Variants in CCDC12 observed in about 807,000 individuals in gnomAD.
CCDC12 encodes the protein coiled-coil domain-containing protein 12.
Under a neutral mutation model 25.7 loss-of-function variants are expected in CCDC12, and 28 were observed. The ratio of observed to expected loss-of-function variants is 1.09; its 90% confidence interval spans 0.81 to 1.50. The LOEUF (loss-of-function observed/expected upper bound fraction) is 1.50. Among genes scored for constraint, CCDC12 ranks in the 40% most tolerant of loss-of-function variants. The pLI, the probability that CCDC12 is intolerant of heterozygous loss-of-function variation, is 0.00. For missense variants in CCDC12, 198 were observed against 210.0 expected (o/e 0.94, Z 0.35); for synonymous variants, 75 against 87.7 (o/e 0.86, Z 0.81).
chr3:46,962,958 G>A (rs2034507477), intron 1 of CCDC12, among the ~76,000 whole-genome samples: 2 of 152,158 alleles, frequency 1.3e-5, no homozygotes, highest in Admixed American at 1.3e-4. Flanking sequence ...AAATCCAGAG[G>A]AGAATGGATA....
intron 1 of CCDC12, among the ~76,000 whole-genome samples, chr3:46,965,395 A>G (rs2034609329): frequency 6.6e-6 from 1 of 152,190 alleles, no homozygotes; most frequent in African/African-American, 2.4e-5. Context: ...GTGGCTGTCT[A>G]GTGCCTCTTC....
chr3:46,922,032 G>T lies in CCDC12; in HGVS notation c.*25C>A, dbSNP rs758846174. The T allele has an allele frequency of 6.2e-7, 1 of 1,612,446 alleles. No homozygotes were observed. The highest frequency in any genetic ancestry group is 1.1e-5 in the South Asian group (1 of 90,988). ...CATCCTCTGCAGGACAGGCCTGATG[G>T]GCGAGTGGTGGGGCAGGGCATGCCT... is the stretch of plus-strand genomic sequence containing the variant. On this transcript the variant is annotated 3_prime_UTR_variant, in exon 7 of 7. Transcript: ENST00000683445.
chr3:46,965,254 T>C (rs2034605155), intron 1 of CCDC12, among the ~76,000 whole-genome samples: 2 of 152,222 alleles, frequency 1.3e-5, no homozygotes, highest in Admixed American at 1.3e-4. Context: ...TGCTTTCCAA[T>C]TCCCTGCCCC....
At chr3:46,956,712 T>C (rs372869039) in intron 1 of CCDC12, among the ~76,000 whole-genome samples, 158 of 152,114 alleles carry the variant, frequency 1.0e-3, no homozygotes, top group African/African-American at 3.7e-3. Flanking sequence ...TCCCAGCTAC[T>C]TGGGGGGCTG....
chr3:46,972,576 A>G (rs985401336), intron 1 of CCDC12, among the ~76,000 whole-genome samples: 1 of 152,138 alleles, frequency 6.6e-6, no homozygotes, highest in Non-Finnish European at 1.5e-5. Flanking sequence ...GGGAAATGCA[A>G]ATCAAAACCA....
chr3:46,953,626 C>A (rs1196963832), intron 1 of CCDC12, among the ~76,000 whole-genome samples: 3 of 149,904 alleles, frequency 2.0e-5, no homozygotes, highest in Non-Finnish European at 4.4e-5. Context: ...TTGTCAATGC[C>A]TAATGACTTT....
chr3:46,926,670 A>T (rs771352137), intron 2 of CCDC12, among the ~76,000 whole-genome samples: 2 of 152,104 alleles, frequency 1.3e-5, no homozygotes, highest in African/African-American at 2.4e-5. Flanking sequence ...GGGTCTAAGA[A>T]AGGCAAGGCA....
At chr3:46,969,864 AAACT>A (rs1181850708) in intron 1 of CCDC12, among the ~76,000 whole-genome samples, 3 of 151,798 alleles carry the variant, frequency 2.0e-5, no homozygotes, top group Non-Finnish European at 2.9e-5. Context: ...GTTTAAATGT[AAACT>A]AACTAAAATT....
intron 1 of CCDC12, among the ~76,000 whole-genome samples, chr3:46,956,110 T>C (rs985494805): frequency 1.3e-5 from 2 of 152,250 alleles, no homozygotes; most frequent in African/African-American, 2.4e-5. Flanking sequence ...GGCTTAGGTC[T>C]GCTTTCTGCC....
At chr3:46,970,504 T>C (rs2034773262) in intron 1 of CCDC12, among the ~76,000 whole-genome samples, 1 of 152,190 alleles carries the variant, frequency 6.6e-6, no homozygotes. Context: ...TAAAGAACAC[T>C]ATCACTGCAC....
At chr3:46,951,608 G>A (rs1475210276) in intron 1 of CCDC12, among the ~76,000 whole-genome samples, 2 of 148,642 alleles carry the variant, frequency 1.3e-5, no homozygotes, top group Non-Finnish European at 3.0e-5. Flanking sequence ...GTGAAACCCC[G>A]TCCCTACTAA....
At chr3:46,940,625 T>C (rs1190205984) in intron 2 of CCDC12, 6 of 202,600 alleles carry the variant, frequency 3.0e-5, no homozygotes, top group South Asian at 1.1e-4. Context: ...CCAGAGGAGG[T>C]TGGATGAGGC....
intron 1 of CCDC12, among the ~76,000 whole-genome samples, chr3:46,947,426 G>T (rs559922937): frequency 2.6e-5 from 4 of 152,312 alleles, no homozygotes; most frequent in Non-Finnish European, 5.9e-5. Context: ...GTGTTCCAAG[G>T]GCACTTAGCG....
At chr3:46,926,003 C>G (rs1410782598) in intron 2 of CCDC12, among the ~76,000 whole-genome samples, 2 of 152,254 alleles carry the variant, frequency 1.3e-5, no homozygotes, top group Non-Finnish European at 2.9e-5. Flanking sequence ...CAGTGGTCAC[C>G]CACAAATTCC....
chr3:46,950,153 C>T (rs1002309840), intron 1 of CCDC12, among the ~76,000 whole-genome samples: 2 of 152,136 alleles, frequency 1.3e-5, no homozygotes, highest in Non-Finnish European at 2.9e-5. Context: ...CTTAGGGAAC[C>T]TGATGCTCCT....
intron 1 of CCDC12, among the ~76,000 whole-genome samples, chr3:46,960,498 CAA>C (rs1178218453): frequency 2.0e-5 from 3 of 152,184 alleles, no homozygotes; most frequent in African/African-American, 7.2e-5. Flanking sequence ...CTTGAAAGGA[CAA>C]ATGTTTTCTG....
rs1231312625 is a variant in CCDC12, at chr3:46,925,123, C to T, written c.244+333G>A. 12 of 464,526 alleles carry T rather than the reference C, an allele frequency of 2.6e-5. No individual in the cohort carries two copies. The East Asian group carries it at 5.9e-4, about 23-fold the overall frequency. 28.8% of individuals were successfully genotyped at this position (464,526 alleles called of 1,614,324 possible). A position where few individuals can be genotyped will look rare whatever the true frequency, so the allele number is the denominator to read the frequency against. Reference sequence around the variant, plus strand: ...AGGACCCATCACCCTGCCCTGCTGCCCAAGGGCCCCATGACCACATCCACT... The same window carrying T: ...AGGACCCATCACCCTGCCCTGCTGCTCAAGGGCCCCATGACCACATCCACT... On this transcript the variant is annotated intron_variant, in intron 3 of 6. Transcript: ENST00000683445.
chr3:46,975,840 GA>G (rs1442637505), intron 1 of CCDC12, among the ~76,000 whole-genome samples: 263 of 67,080 alleles, frequency 3.9e-3, no homozygotes, highest in Non-Finnish European at 5.7e-3. Flanking sequence ...TTTTATTTTC[GA>G]TTTTTTTTTT....
At chr3:46,954,582 T>C (rs2034229081) in intron 1 of CCDC12, among the ~76,000 whole-genome samples, 1 of 152,182 alleles carries the variant, frequency 6.6e-6, no homozygotes, top group Non-Finnish European at 1.5e-5. Context: ...GTAGATTTGT[T>C]CTTAAAATGG....
Sources: allele counts gnomAD v4.1 joint callset (sites outside exome capture counted in the v4.1 genomes callset), GRCh38; gene constraint gnomAD v4.1.1; transcripts MANE v1.5; gene names NCBI Gene and HGNC (gene_info 2026-07-23, HGNC 2026-07-21).